PKN2: variants seen among roughly 807,000 people sequenced by gnomAD.
PKN2 encodes the protein serine/threonine-protein kinase N2.
PKN2 carries 38 observed loss-of-function variants against 119.1 expected under a neutral mutation model. That is an observed-to-expected ratio of 0.32 (90% CI 0.25 to 0.42). The LOEUF (loss-of-function observed/expected upper bound fraction) is 0.42, where lower values mean the gene tolerates loss of function less well. Ranked by LOEUF, PKN2 falls within the 10% of genes least tolerant of loss-of-function variation. PKN2 has a pLI of 1.00. For synonymous variants in PKN2, 390 were observed against 384.9 expected (o/e 1.01, Z -0.15); for missense variants, 850 against 1,165.1 (o/e 0.73, Z 3.94).
intron 1 of PKN2, among the ~76,000 whole-genome samples, chr1:88,704,089 A>G (rs1483028726): frequency 6.6e-6 from 1 of 152,222 alleles, no homozygotes; most frequent in Non-Finnish European, 1.5e-5. Context: ...TGCAAACAAT[A>G]TAATGAACAT....
chr1:88,826,525 G>A (rs193014128), intron 18 of PKN2, among the ~76,000 whole-genome samples: 2 of 151,916 alleles, frequency 1.3e-5, no homozygotes, highest in Non-Finnish European at 2.9e-5. Context: ...TAGGATATTC[G>A]TCACCCAAAT....
intron 6 of PKN2, among the ~76,000 whole-genome samples, chr1:88,777,729 C>T (rs1670161042): frequency 6.6e-6 from 1 of 152,152 alleles, no homozygotes; most frequent in South Asian, 2.1e-4. Context: ...AAACCTGAAA[C>T]ACTAGTTCAG....
rs191804265 is a variant in PKN2, at chr1:88,824,520, A to G, written c.2419+134A>G. The G allele has an allele frequency of 1.5e-4, 85 of 578,652 alleles. No homozygotes were observed. In the East Asian group the frequency reaches 1.9e-3, roughly 13 times the overall value. 35.8% of individuals were successfully genotyped at this position (578,652 alleles called of 1,614,324 possible). ...TCTTCATTAAGACATTGTAGATACA[A>G]TGAAAACATTGCTTATATAACCTAA... On this transcript the variant is annotated intron_variant, in intron 18 of 21. Transcript: ENST00000370521.
chr1:88,699,682 G>GT (rs1357565069), intron 1 of PKN2, among the ~76,000 whole-genome samples: 15 of 151,992 alleles, frequency 9.9e-5, no homozygotes, highest in Admixed American at 5.2e-4. Context: ...ATGGTATTTG[G>GT]TTTTTTGTTC....
chr1:88,833,711 C>T lies in PKN2; in HGVS notation c.*263C>T, dbSNP rs909298798. ...GAACATCGGCCATGAAAATCCATCA[C>T]GAATACTTTTGGATCAATAGTCTAT... On this transcript the variant is annotated 3_prime_UTR_variant, in exon 22 of 22. Transcript: ENST00000370521. The T allele has an allele frequency of 4.1e-5, 15 of 368,280 alleles. No individual in the cohort carries two copies. Among genetic ancestry groups the T allele is most frequent in the East Asian group, 1.9e-4 (4 of 21,412 alleles). The allele number at this position is 368,280 out of a possible 1,614,324, so 22.8% of individuals were successfully genotyped here. A position where few individuals can be genotyped will look rare whatever the true frequency, so the allele number is the denominator to read the frequency against.
chr1:88,770,256 C>A (rs1394015922), intron 3 of PKN2, 96 bp from the exon 4 acceptor site: 2 of 654,298 alleles, frequency 3.1e-6, no homozygotes, highest in East Asian at 5.5e-5. Flanking sequence ...CTCTGTTTTT[C>A]ACTTGCTGAT....
chr1:88,740,569 C>G (rs1668537033), intron 1 of PKN2, among the ~76,000 whole-genome samples: 4 of 152,018 alleles, frequency 2.6e-5, no homozygotes, highest in Non-Finnish European at 5.9e-5. Flanking sequence ...CACAGTATCT[C>G]TAAAAGGTGG....
intron 8 of PKN2, among the ~76,000 whole-genome samples, chr1:88,791,853 TG>T (rs1486765013): frequency 6.6e-6 from 1 of 152,206 alleles, no homozygotes; most frequent in East Asian, 1.9e-4. Flanking sequence ...GTGAGAAAGA[TG>T]CTTTCTCCCT....
chr1:88,696,326 A>G (rs958219895), intron 1 of PKN2, among the ~76,000 whole-genome samples: 18 of 152,208 alleles, frequency 1.2e-4, no homozygotes, highest in Non-Finnish European at 1.0e-4. Flanking sequence ...TTGAAAAGCT[A>G]TGGGGTTGTA....
intron 6 of PKN2, among the ~76,000 whole-genome samples, chr1:88,773,012 A>G (rs1669955198): frequency 6.6e-6 from 1 of 151,940 alleles, no homozygotes; most frequent in Non-Finnish European, 1.5e-5. Flanking sequence ...TACAATTTTT[A>G]TATCTTCTAG....
intron 18 of PKN2, among the ~76,000 whole-genome samples, chr1:88,825,363 C>T (rs1385990219): frequency 6.6e-6 from 1 of 152,126 alleles, no homozygotes; most frequent in South Asian, 2.1e-4. Flanking sequence ...ATTTCCTTTC[C>T]TATGGATTCC....
At chr1:88,759,475 T>C (rs992240835) in intron 2 of PKN2, among the ~76,000 whole-genome samples, 3 of 152,192 alleles carry the variant, frequency 2.0e-5, no homozygotes, top group Non-Finnish European at 4.4e-5. Context: ...GTTGGCCACA[T>C]GTATGTCTTT....
At chr1:88,739,202 G>A (rs1249261661) in intron 1 of PKN2, among the ~76,000 whole-genome samples, 1 of 151,998 alleles carries the variant, frequency 6.6e-6, no homozygotes, top group Non-Finnish European at 1.5e-5. Context: ...GGCTGGGCAC[G>A]TGTTTCATGC....
rs530461665 is a variant in PKN2 at position 88,748,491 on chromosome 1, C to T, written c.349+7203C>T. ...CTATAATTTATCCATTCACAAAGAA[C>T]GTTAGGGTGGTTTTCCAATTTTTGG... On this transcript the variant is annotated intron_variant, in intron 2 of 21. Transcript: ENST00000370521. Among the ~76,000 whole-genome samples the T allele has an allele frequency of 5.9e-5, 9 of 152,156 alleles. No homozygotes were observed. The South Asian group carries it at 1.9e-3, about 32-fold the overall frequency.
intron 8 of PKN2, among the ~76,000 whole-genome samples, chr1:88,799,250 C>T (rs1570648702): frequency 6.6e-6 from 1 of 152,144 alleles, no homozygotes; most frequent in East Asian, 1.9e-4. Context: ...CTTTTCCTGC[C>T]AAGATCATGG....
At chr1:88,720,619 C>T (rs1172399564) in intron 1 of PKN2, among the ~76,000 whole-genome samples, 10 of 152,078 alleles carry the variant, frequency 6.6e-5, no homozygotes, top group Admixed American at 2.0e-4. Context: ...AAAAATGTTT[C>T]GTGACCCTTT....
rs1016028866 is a variant in PKN2, at chr1:88,832,391, C to A, written c.2563-353C>A. Among the ~76,000 whole-genome samples, 14 of 151,488 alleles carry A rather than the reference C, an allele frequency of 9.2e-5. 1 individual carries two copies. The highest frequency in any genetic ancestry group is 6.8e-3 in the Middle Eastern group (2 of 294). On this transcript the variant is annotated intron_variant, in intron 19 of 21. Transcript: ENST00000370521. ...TAGACACTAAAAATTGACTGTCTGG[C>A]CAAATAGGTGATTGAGTGAATGAAA...
intron 1 of PKN2, among the ~76,000 whole-genome samples, chr1:88,699,199 A>T (rs13374025): frequency 0.011 from 1,657 of 152,172 alleles, 26 homozygotes; most frequent in African/African-American, 0.039. Context: ...CTATGTCTTT[A>T]AACTTACCTT....
chr1:88,741,422 T>A, intron 2 of PKN2, 134 bp downstream of exon 2: 1 of 555,094 alleles, frequency 1.8e-6, no homozygotes, highest in Non-Finnish European at 3.0e-6. Context: ...CTCTTTTGGT[T>A]AAGGTCTTAT....
Sources: gnomAD v4.1 joint callset for allele counts (sites outside exome capture counted in the v4.1 genomes callset) on GRCh38, gnomAD v4.1.1 for gene constraint, MANE v1.5 for transcripts, NCBI Gene and HGNC (gene_info 2026-07-23, HGNC 2026-07-21) for gene names.